MYOM1: variants seen among roughly 807,000 people sequenced by gnomAD.
MYOM1 encodes myomesin 1.
In MYOM1, 164 loss-of-function variants were observed where a neutral mutation model predicts 205.3. The observed-to-expected ratio is 0.80, with a 90% CI of 0.70 to 0.91. MYOM1 has a LOEUF of 0.91. Among genes scored for constraint, MYOM1 ranks in the 40% least tolerant of loss-of-function variants. The pLI is 0.00. For missense variants in MYOM1, 2,011 were observed against 2,127.3 expected (o/e 0.95, Z 1.08); for synonymous variants, 772 against 789.4 (o/e 0.98, Z 0.37).
chr18:3,066,864 C>T lies in MYOM1; in HGVS notation c.*398G>A, dbSNP rs776566485. On this transcript the variant is annotated 3_prime_UTR_variant, in exon 38 of 38. Coordinates refer to ENST00000356443, the MANE Select transcript of MYOM1 (RefSeq NM_003803.4). ...TTCATACAGAGGAGGTTCCAAGCCA[C>T]GAGGCGCCCGTCGAAAAGCACATCA... The T allele has an allele frequency of 1.1e-5, 2 of 179,622 alleles. No individual in the cohort carries two copies. The highest frequency in any genetic ancestry group is 1.2e-5 in the Non-Finnish European group (1 of 83,106). The allele number at this position is 179,622 out of a possible 1,614,324, so 11.1% of individuals were successfully genotyped here.
upstream of MYOM1, among the ~76,000 whole-genome samples, chr18:3,224,958 C>T (rs1265163802): frequency 6.6e-6 from 1 of 151,874 alleles, no homozygotes; most frequent in African/African-American, 2.4e-5. Flanking sequence ...AGCCACCGTG[C>T]CCGGCCTATT....
Position 3,089,601 on chromosome 18 carries a change from A to C in MYOM1, c.4010-5T>G. 3 of 1,604,550 alleles carry C rather than the reference A, an allele frequency of 1.9e-6. No individual in the cohort carries two copies. The highest frequency in any genetic ancestry group is 2.6e-6 in the Non-Finnish European group (3 of 1,175,504). Reference sequence around the variant, plus strand: ...CTTTCTGGAGCTTTTTGAAAACTACAAATTGAAAAACAAGGAAGTGTGAAA... The same window carrying C: ...CTTTCTGGAGCTTTTTGAAAACTACCAATTGAAAAACAAGGAAGTGTGAAA... On this transcript the variant is annotated splice_region_variant and splice_polypyrimidine_tract_variant and intron_variant, in intron 27 of 37. Transcript: ENST00000356443.
chr18:3,178,278 T>A (rs2080678467), intron 5 of MYOM1, among the ~76,000 whole-genome samples: 3 of 152,154 alleles, frequency 2.0e-5, no homozygotes, highest in African/African-American at 4.8e-5. Context: ...AACCACCGTA[T>A]GAGATAGTGC....
intron 16 of MYOM1, among the ~76,000 whole-genome samples, chr18:3,133,876 T>A (rs2079912682): frequency 6.6e-6 from 1 of 152,190 alleles, no homozygotes; most frequent in Admixed American, 6.5e-5. Context: ...GCTTGTTTGT[T>A]TTTTGAGACA....
At chr18:3,085,198 T>A (rs2079136215) in intron 30 of MYOM1, 66 bp from the exon 31 acceptor site, 1 of 953,914 alleles carries the variant, frequency 1.0e-6, no homozygotes, top group African/African-American at 1.7e-5. Context: ...CTGTGATTTT[T>A]TTTTTTCTTC....
At chr18:3,112,494 C>G (rs1430634494) in intron 21 of MYOM1, 82 bp from the exon 22 acceptor site, 1 of 1,037,130 alleles carries the variant, frequency 9.6e-7, no homozygotes, top group Non-Finnish European at 1.4e-6. Context: ...GGGGCTCTTC[C>G]TCTGTAGTAA....
rs2080440129 is a variant in MYOM1, at chr18:3,164,413, C to T, written c.1366G>A (p.Val456Met). Reference sequence around the variant, plus strand: ...CGCTCTCCACTCCAAAGTGTTTGCACCCATTTTGATGGAGAAAGAGGTACT... The same window carrying T: ...CGCTCTCCACTCCAAAGTGTTTGCATCCATTTTGATGGAGAAAGAGGTACT... Reference protein sequence around the residue: ...NGVPLSPSKWVQTLWSGERAT... With the variant: ...NGVPLSPSKWMQTLWSGERAT... Residue 456 changes from valine to methionine, a missense_variant, in exon 10 of 38, where the codon GTG becomes ATG. Val to Met is a conservative substitution (Grantham distance 21). Transcript: ENST00000356443. 6.2e-7 allele frequency: 1 copy of T among 1,607,024 alleles called. No homozygotes were observed. The highest frequency in any genetic ancestry group is 8.5e-7 in the Non-Finnish European group (1 of 1,176,972).
chr18:3,135,993 T>C lies in MYOM1; in HGVS notation c.2026-263A>G, dbSNP rs1281538874. Among the ~76,000 whole-genome samples the C allele has an allele frequency of 6.6e-6, 1 of 152,154 alleles. No individual in the cohort carries two copies. The highest frequency in any genetic ancestry group is 1.5e-5 in the Non-Finnish European group (1 of 68,026). On this transcript the variant is annotated intron_variant, in intron 14 of 37. Transcript: ENST00000356443. This position sits in a 1 kb window ranked among gnomAD's most constrained non-coding sequence, Gnocchi z 4.1. The stretch of plus-strand genomic sequence containing the variant: ...GTAGCTCCCATAATTCCCATGTGTG[T>C]GGGAGGGACCTGGTGGGAGATAATT...
intron 34 of MYOM1, among the ~76,000 whole-genome samples, chr18:3,077,955 A>T (rs2079038760): frequency 6.6e-6 from 1 of 151,648 alleles, no homozygotes. Context: ...CACCAAAAAC[A>T]CTCACAGCAG....
intron 13 of MYOM1, among the ~76,000 whole-genome samples, chr18:3,147,047 T>A (rs1183061710): frequency 1.4e-5 from 2 of 141,580 alleles, no homozygotes; most frequent in East Asian, 3.9e-4. Flanking sequence ...ATATAAATAT[T>A]ATATATTATA....
intron 22 of MYOM1, among the ~76,000 whole-genome samples, chr18:3,105,012 G>A (rs921220155): frequency 2.0e-5 from 3 of 152,114 alleles, no homozygotes; most frequent in South Asian, 2.1e-4. Context: ...GCCGCCCAAA[G>A]TGCTGGGATT....
At chr18:3,221,526 G>C (rs1330216769), upstream of MYOM1, among the ~76,000 whole-genome samples, 1 of 152,188 alleles carries the variant, frequency 6.6e-6, no homozygotes, top group Non-Finnish European at 1.5e-5. Flanking sequence ...AGAAGGGAAG[G>C]CATTTGCCAA....
At chr18:3,123,626 GT>G (rs985797720) in intron 19 of MYOM1, among the ~76,000 whole-genome samples, 3 of 150,290 alleles carry the variant, frequency 2.0e-5, no homozygotes, top group Non-Finnish European at 3.0e-5. Context: ...TTGAATGTAA[GT>G]TTTTTTATTG....
At chr18:3,147,058 T>A (rs12964176) in intron 13 of MYOM1, among the ~76,000 whole-genome samples, 2 of 124,726 alleles carry the variant, frequency 1.6e-5, no homozygotes, top group African/African-American at 5.5e-5. Context: ...ATATATTATA[T>A]ATAAATATAT....
rs911896374 is a variant in MYOM1 at position 3,198,905 on chromosome 18, T to A, written c.291-4947A>T. On this transcript the variant is annotated intron_variant, in intron 2 of 37. Transcript: ENST00000356443. ...TGATTAAAAATGACTGATGCAGAGG[T>A]GGGACTTCCAGTATGGTGGAAGGAG... Among the ~76,000 whole-genome samples the A allele has an allele frequency of 2.0e-5, 3 of 151,998 alleles. No homozygotes were observed. The East Asian group carries it at 5.8e-4, about 29-fold the overall frequency.
Position 3,120,179 on chromosome 18 carries a change from T to C in MYOM1, c.2992-184A>G, listed in dbSNP as rs11662315. Among the ~76,000 whole-genome samples the C allele has an allele frequency of 0.16, 24,061 of 152,056 alleles. 2,063 individuals carry two copies. Among genetic ancestry groups the C allele is most frequent in the East Asian group, 0.32 (1,676 of 5,166 alleles). Reference sequence around the variant, plus strand: ...ACCGTGACCTCCTTGTAGCCTACAATAGAATGTGGCAAAGGGATTGGGAGA... The same window carrying C: ...ACCGTGACCTCCTTGTAGCCTACAACAGAATGTGGCAAAGGGATTGGGAGA... On this transcript the variant is annotated intron_variant, in intron 19 of 37. Coordinates refer to ENST00000356443, the MANE Select transcript of MYOM1 (RefSeq NM_003803.4).
At chr18:3,190,346 C>A (rs927063705) in intron 3 of MYOM1, 1 of 152,172 alleles carries the variant, frequency 6.6e-6, no homozygotes, top group Non-Finnish European at 1.5e-5. Flanking sequence ...AGAATGATTA[C>A]TTCAGAATGT....
intron 5 of MYOM1, among the ~76,000 whole-genome samples, chr18:3,180,054 T>G (rs866735680): frequency 7.2e-5 from 11 of 152,162 alleles, no homozygotes; most frequent in South Asian, 2.1e-4. Flanking sequence ...CCCAGAACTT[T>G]GGGAGGCTGA....
chr18:3,155,523 C>T (rs1284089873), intron 10 of MYOM1, among the ~76,000 whole-genome samples: 4 of 152,200 alleles, frequency 2.6e-5, no homozygotes, highest in Admixed American at 6.5e-5. Flanking sequence ...CACACCCGGC[C>T]AAATCTTGCT....
Sources: allele counts gnomAD v4.1 joint callset (sites outside exome capture counted in the v4.1 genomes callset), GRCh38; gene constraint gnomAD v4.1.1; non-coding constraint Gnocchi (gnomAD v3.1); transcripts MANE v1.5; gene names NCBI Gene and HGNC (gene_info 2026-07-23, HGNC 2026-07-21).